Variants in STPG2 observed in about 807,000 individuals in gnomAD.
The protein encoded by STPG2 is sperm-tail PG-rich repeat-containing protein 2.
STPG2 carries 56 observed loss-of-function variants against 54.2 expected under a neutral mutation model. That is an observed-to-expected ratio of 1.03 (90% CI 0.83 to 1.29). The LOEUF (loss-of-function observed/expected upper bound fraction) is 1.29, where lower values mean the gene tolerates loss of function less well. Ranked by LOEUF, STPG2 falls within the 50% of genes most tolerant of loss-of-function variation. The probability of loss-of-function intolerance (pLI) is 0.00; values close to 1 mark genes in which losing one functional copy is unlikely to be tolerated. For synonymous variants in STPG2, 200 were observed against 181.8 expected (o/e 1.10, Z -0.81); for missense variants, 596 against 544.9 (o/e 1.09, Z -0.93).
At chr4:97,737,157 G>C (rs942978719) in intron 9 of STPG2, among the ~76,000 whole-genome samples, 4 of 152,196 alleles carry the variant, frequency 2.6e-5, no homozygotes, top group Non-Finnish European at 5.9e-5. Context: ...GGTCCTGTCT[G>C]TTAGAAGGAA....
chr4:97,441,780 T>C (rs1279717227), intron 4 of STPG2, among the ~76,000 whole-genome samples: 2 of 152,002 alleles, frequency 1.3e-5, no homozygotes, highest in African/African-American at 4.8e-5. Context: ...AAGATTTGAG[T>C]ACTTAAAGGC....
chr4:97,681,605 A>C (rs1310813907), intron 10 of STPG2, among the ~76,000 whole-genome samples: 1 of 151,870 alleles, frequency 6.6e-6, no homozygotes. Context: ...ATTGGAACTA[A>C]TTGTATAAGC....
chr4:97,996,645 T>C (rs188745683), intron 5 of STPG2, among the ~76,000 whole-genome samples: 299 of 61,384 alleles, frequency 4.9e-3, no homozygotes, highest in African/African-American at 0.017. Context: ...AGACAACCTA[T>C]AGAATGAGAG....
At chr4:97,791,613 T>C (rs1726993435) in intron 9 of STPG2, among the ~76,000 whole-genome samples, 1 of 152,186 alleles carries the variant, frequency 6.6e-6, no homozygotes, top group Non-Finnish European at 1.5e-5. Context: ...TGTTATTTTT[T>C]TCTCATTGTA....
intron 7 of STPG2, among the ~76,000 whole-genome samples, chr4:97,957,732 C>A (rs962250427): frequency 6.6e-6 from 1 of 152,066 alleles, no homozygotes; most frequent in African/African-American, 2.4e-5. Flanking sequence ...CAGCAGAAAC[C>A]CTACAAGCTA....
At chr4:97,721,267 G>A (rs11097575) in intron 9 of STPG2, among the ~76,000 whole-genome samples, 4 of 151,878 alleles carry the variant, frequency 2.6e-5, no homozygotes, top group African/African-American at 9.6e-5. Flanking sequence ...CACTTTACAC[G>A]GAGTGACCTC....
chr4:97,971,662 G>A (rs1466590905), intron 7 of STPG2, among the ~76,000 whole-genome samples: 1 of 151,992 alleles, frequency 6.6e-6, no homozygotes, highest in African/African-American at 2.4e-5. Flanking sequence ...GTGGCGGGCT[G>A]GGGGAGGGAT....
intron 8 of STPG2, among the ~76,000 whole-genome samples, chr4:97,930,425 G>A (rs146408984): frequency 1.9e-3 from 296 of 152,206 alleles, no homozygotes; most frequent in African/African-American, 7.0e-3. Context: ...GTCATTTATT[G>A]AATTGGGAAT....
intron 4 of STPG2, among the ~76,000 whole-genome samples, chr4:97,443,902 G>T (rs921439722): frequency 5.3e-5 from 8 of 152,134 alleles, no homozygotes; most frequent in Non-Finnish European, 1.0e-4. Flanking sequence ...ATCTATCACA[G>T]ATTTTAAAAT....
chr4:97,997,215 G>A (rs1357161817), intron 5 of STPG2, among the ~76,000 whole-genome samples: 4 of 152,036 alleles, frequency 2.6e-5, no homozygotes, highest in Non-Finnish European at 4.4e-5. Context: ...TGGACTGGAT[G>A]TATTAGTTCA....
chr4:98,130,923 A>G lies in STPG2; in HGVS notation c.223-2331T>C, dbSNP rs1300750643. ...GGAGACAGAGCGAGACTCCGTCTCAAAAAAAAAAAAAAAAAACAAAAAAAA... is the reference window on the plus strand; with the variant it reads ...GGAGACAGAGCGAGACTCCGTCTCAGAAAAAAAAAAAAAAAACAAAAAAAA... On this transcript the variant is annotated intron_variant, in intron 2 of 10. Coordinates refer to ENST00000295268, the MANE Select transcript of STPG2 (RefSeq NM_174952.3). Among the ~76,000 whole-genome samples, 2 of 139,386 alleles carry G rather than the reference A, an allele frequency of 1.4e-5. 1 individual carries two copies. The highest frequency in any genetic ancestry group is 3.1e-5 in the Non-Finnish European group (2 of 63,834). 91.4% of individuals were successfully genotyped at this position (139,386 alleles called of 152,430 possible). A position where few individuals can be genotyped will look rare whatever the true frequency, so the allele number is the denominator to read the frequency against.
At chr4:97,675,878 A>G (rs1365084157) in intron 10 of STPG2, among the ~76,000 whole-genome samples, 1 of 148,586 alleles carries the variant, frequency 6.7e-6, no homozygotes, top group Admixed American at 6.8e-5. Context: ...ATTATTGTAT[A>G]TACAGTATAG....
chr4:97,611,793 A>G (rs1230649624), intron 10 of STPG2, among the ~76,000 whole-genome samples: 2 of 151,942 alleles, frequency 1.3e-5, no homozygotes, highest in Non-Finnish European at 2.9e-5. Context: ...ACCTCACAGT[A>G]CAAAATAAAA....
At chr4:97,751,801 G>A (rs940903103) in intron 9 of STPG2, among the ~76,000 whole-genome samples, 1 of 151,684 alleles carries the variant, frequency 6.6e-6, no homozygotes, top group Non-Finnish European at 1.5e-5. Flanking sequence ...TAAAGGAAAG[G>A]AAAGCAGATT....
rs369612254 is a variant in STPG2, at chr4:97,606,783, T to C, written c.1321-47666A>G. Among the ~76,000 whole-genome samples the C allele has an allele frequency of 1.4e-4, 21 of 152,150 alleles. 3 individuals are homozygous for C. The highest frequency in any genetic ancestry group is 9.2e-4 in the Admixed American group (14 of 15,252). ...ACCTCTAAACATATGTGTTTTTAAG[T>C]ACTTCCATTTTACCATCTTTCTTGT... On this transcript the variant is annotated intron_variant, in intron 10 of 10. Coordinates refer to ENST00000295268, the MANE Select transcript of STPG2 (RefSeq NM_174952.3).
intron 10 of STPG2, among the ~76,000 whole-genome samples, chr4:97,669,855 T>C (rs1310543805): frequency 6.6e-6 from 1 of 151,904 alleles, no homozygotes; most frequent in Non-Finnish European, 1.5e-5. Flanking sequence ...CATGAAGTCA[T>C]TATAATGCTA....
chr4:97,878,651 C>A (rs145760985), intron 8 of STPG2, among the ~76,000 whole-genome samples: 84 of 152,264 alleles, frequency 5.5e-4, no homozygotes, highest in Non-Finnish European at 9.6e-4. Flanking sequence ...TGGGTCAGGC[C>A]CATGAAACCA....
At chr4:97,904,967 A>C (rs1731346534) in intron 8 of STPG2, among the ~76,000 whole-genome samples, 1 of 152,094 alleles carries the variant, frequency 6.6e-6, no homozygotes. Context: ...GAAAAGACAA[A>C]ATCTACGTCT....
intron 5 of STPG2, among the ~76,000 whole-genome samples, chr4:98,010,128 T>G (rs192408177): frequency 1.3e-4 from 20 of 152,138 alleles, no homozygotes; most frequent in Admixed American, 1.2e-3. Context: ...TCTCCATAAT[T>G]TCTTTCCTAC....
Sources: gnomAD v4.1 joint callset for allele counts (sites outside exome capture counted in the v4.1 genomes callset) on GRCh38, gnomAD v4.1.1 for gene constraint, MANE v1.5 for transcripts, NCBI Gene and HGNC (gene_info 2026-07-23, HGNC 2026-07-21) for gene names.